PCDHA2: variants seen among roughly 807,000 people sequenced by gnomAD.
PCDHA2 encodes protocadherin alpha-2.
Under a neutral mutation model 66.0 loss-of-function variants are expected in PCDHA2, and 58 were observed. The ratio of observed to expected loss-of-function variants is 0.88; its 90% CI spans 0.71 to 1.09. The LOEUF is 1.09. Ranked by LOEUF, PCDHA2 falls within the 50% of genes least tolerant of loss-of-function variation. The pLI is 0.00. For synonymous variants in PCDHA2, 634 were observed against 554.0 expected (o/e 1.14, Z -2.03); for missense variants, 1,267 against 1,242.3 (o/e 1.02, Z -0.30).
At chr5:140,928,000 G>T (rs2084855141) in intron 1 of PCDHA2, 1 of 1,614,166 alleles carries the variant, frequency 6.2e-7, no homozygotes, top group Non-Finnish European at 8.5e-7. Context: ...TGAAGACCTC[G>T]ATTCTAATGG....
At chr5:140,830,467 T>A in intron 1 of PCDHA2, 2 of 1,572,686 alleles carry the variant, frequency 1.3e-6, no homozygotes, top group Non-Finnish European at 1.7e-6. Flanking sequence ...AGGATTTAAA[T>A]GAAGATCATG....
At chr5:140,831,386 G>A (rs1185235315) in intron 1 of PCDHA2, among the ~76,000 whole-genome samples, 1 of 151,812 alleles carries the variant, frequency 6.6e-6, no homozygotes, top group East Asian at 1.9e-4. Flanking sequence ...GTGTGACAGG[G>A]TCTTGCTCTG....
intron 1 of PCDHA2, chr5:140,969,240 C>T: frequency 6.2e-7 from 1 of 1,614,198 alleles, no homozygotes; most frequent in South Asian, 1.1e-5. Context: ...GCCCAAGCAG[C>T]AGTGACTGAC....
intron 1 of PCDHA2, among the ~76,000 whole-genome samples, chr5:140,837,376 A>G (rs1191040233): frequency 6.6e-6 from 1 of 151,912 alleles, no homozygotes; most frequent in Non-Finnish European, 1.5e-5. Context: ...AGTATTTTTT[A>G]TTTTGTTCCT....
chr5:140,797,548 C>T (rs1554120470), intron 1 of PCDHA2, 196 bp downstream of exon 1: 1 of 743,158 alleles, frequency 1.3e-6, no homozygotes, highest in African/African-American at 1.8e-5. Flanking sequence ...TAACTGTTTT[C>T]TTATTTTTAC....
At chr5:140,870,992 T>G (rs782714479) in intron 1 of PCDHA2, 3 of 1,613,478 alleles carry the variant, frequency 1.9e-6, no homozygotes, top group Non-Finnish European at 2.5e-6. Flanking sequence ...ACGGGCGAGA[T>G]AAGCACAACG....
intron 1 of PCDHA2, chr5:140,823,709 G>A (rs2150128449): frequency 2.5e-6 from 4 of 1,613,950 alleles, no homozygotes; most frequent in Non-Finnish European, 2.5e-6. Context: ...CCGCGCCACC[G>A]CCTTCTGGTG....
intron 1 of PCDHA2, chr5:140,859,934 A>G (rs2046100230): frequency 1.3e-5 from 2 of 152,070 alleles, no homozygotes; most frequent in Non-Finnish European, 2.9e-5. Flanking sequence ...TAAAAAACTT[A>G]GTAAAAACTC....
chr5:140,848,170 G>A, intron 1 of PCDHA2: 1 of 259,584 alleles, frequency 3.9e-6, no homozygotes, highest in Non-Finnish European at 7.4e-6. Flanking sequence ...GAAGGCTCCA[G>A]CAAGAGAAAC....
intron 1 of PCDHA2, among the ~76,000 whole-genome samples, chr5:140,921,217 T>G (rs2080100928): frequency 6.6e-6 from 1 of 152,122 alleles, no homozygotes; most frequent in African/African-American, 2.4e-5. Flanking sequence ...ATTCACGTCT[T>G]TTTTGCTAGA....
chr5:141,004,627 T>C lies in PCDHA2; in HGVS notation c.2537-5000T>C, dbSNP rs538896289. On this transcript the variant is annotated intron_variant, in intron 3 of 3. Transcript: ENST00000526136. ...GCCTCATGCAGAGTCCTGGTTATGG[T>C]TGAAGAAAAATTTCCATTTTGGGCT... 3.9e-5 allele frequency among the ~76,000 whole-genome samples: 6 copies of C among 152,330 alleles called. No individual in the cohort carries two copies. The East Asian group carries it at 1.2e-3, about 29-fold the overall frequency.
At chr5:140,856,056 C>T (rs2043749341) in intron 1 of PCDHA2, 1 of 1,586,796 alleles carries the variant, frequency 6.3e-7, no homozygotes, top group Non-Finnish European at 8.6e-7. Flanking sequence ...AAGATGGTTT[C>T]CAGATGTAGC....
At chr5:140,842,736 G>A in intron 1 of PCDHA2, 1 of 1,594,954 alleles carries the variant, frequency 6.3e-7, no homozygotes, top group South Asian at 1.1e-5. Context: ...CCGCCGGGCT[G>A]CCACATCTTC....
intron 1 of PCDHA2, among the ~76,000 whole-genome samples, chr5:140,892,282 ACTT>A (rs1405766060): frequency 1.3e-5 from 2 of 152,178 alleles, no homozygotes; most frequent in African/African-American, 4.8e-5. Flanking sequence ...TGTATTAAAC[ACTT>A]CTTCCTGGAA....
chr5:140,970,854 T>TC (rs112843531), intron 1 of PCDHA2, among the ~76,000 whole-genome samples: 13,960 of 152,238 alleles, frequency 0.092, 852 homozygotes, highest in African/African-American at 0.17. Context: ...GCACAAAAGT[T>TC]CCATTCCTGA....
chr5:140,842,484 C>T (rs2150337219), intron 1 of PCDHA2: 2 of 1,613,924 alleles, frequency 1.2e-6, no homozygotes, highest in East Asian at 2.2e-5. Context: ...GTGACCTGCT[C>T]CCTGATGCCC....
intron 1 of PCDHA2, among the ~76,000 whole-genome samples, chr5:140,878,566 A>G (rs2057645190): frequency 6.6e-6 from 1 of 152,262 alleles, no homozygotes. Context: ...AACTTATCAT[A>G]GTATACCACT....
At chr5:140,970,911 T>C (rs1003828575) in intron 1 of PCDHA2, among the ~76,000 whole-genome samples, 2 of 152,194 alleles carry the variant, frequency 1.3e-5, no homozygotes, top group East Asian at 3.9e-4. Context: ...ATTTATTCAT[T>C]TATCAGAAGT....
intron 1 of PCDHA2, among the ~76,000 whole-genome samples, chr5:140,953,278 T>C (rs1227774652): frequency 6.6e-5 from 10 of 152,146 alleles, no homozygotes; most frequent in African/African-American, 2.4e-4. Flanking sequence ...CTTTGCTCTT[T>C]ATATGTGATT....
Sources: allele counts gnomAD v4.1 joint callset (sites outside exome capture counted in the v4.1 genomes callset), GRCh38; gene constraint gnomAD v4.1.1; transcripts MANE v1.5; gene names NCBI Gene and HGNC (gene_info 2026-07-23, HGNC 2026-07-21).